The following CLCF1 variants were observed in gnomAD, a reference collection of about 807,000 sequenced individuals.
CLCF1 encodes cardiotrophin like cytokine factor 1, also known as cardiotrophin-like cytokine factor 1.
Under a neutral mutation model 21.2 loss-of-function variants are expected in CLCF1, and 10 were observed. The ratio of observed to expected loss-of-function variants is 0.47; its 90% CI spans 0.29 to 0.80. The LOEUF (loss-of-function observed/expected upper bound fraction) is 0.80. Ranked by LOEUF, CLCF1 falls within the 30% of genes least tolerant of loss-of-function variation. The pLI, the probability that CLCF1 is intolerant of heterozygous loss-of-function variation, is 0.09. For synonymous variants in CLCF1, 115 were observed against 120.5 expected (o/e 0.95, Z 0.30); for missense variants, 240 against 293.4 (o/e 0.82, Z 1.33).
At chr11:67,368,533 T>A (rs939591304) in intron 1 of CLCF1, 5 of 985,214 alleles carry the variant, frequency 5.1e-6, no homozygotes, top group Admixed American at 6.2e-5. Flanking sequence ...TGGGGAAATA[T>A]GCTTTTCTGG....
intron 1 of CLCF1, chr11:67,370,541 C>CCCCCCACCGCCTATCCTGG: frequency 1.0e-6 from 1 of 958,338 alleles, no homozygotes; most frequent in Non-Finnish European, 1.2e-6. Flanking sequence ...CCTGCAACAG[C>CCCCCCACCGCCTATCCTGG]CCCCCACCCC....
chr11:67,368,833 G>C (rs1211856455), intron 1 of CLCF1: 1 of 984,656 alleles, frequency 1.0e-6, no homozygotes, highest in Non-Finnish European at 1.2e-6. Context: ...ATGTTATGAA[G>C]AGCAGGGCTA....
chr11:67,370,840 G>GTC, intron 1 of CLCF1: 1 of 985,418 alleles, frequency 1.0e-6, no homozygotes, highest in Non-Finnish European at 1.2e-6. Context: ...GTCAATGGGA[G>GTC]TCTCTGCACC....
intron 1 of CLCF1, chr11:67,370,781 G>A (rs1565108294): frequency 2.0e-6 from 2 of 985,300 alleles, no homozygotes; most frequent in Non-Finnish European, 2.4e-6. Context: ...CAGTGAGGGT[G>A]AGAGTTCAGC....
chr11:67,373,829 T>C, upstream of CLCF1: 7 of 852,522 alleles, frequency 8.2e-6, no homozygotes, highest in Non-Finnish European at 9.9e-6. Flanking sequence ...TCCCTCTCCC[T>C]CCCACAGCAC....
chr11:67,364,936 G>T lies in CLCF1; in HGVS notation c.*200C>A. The T allele has an allele frequency of 1.3e-6, 1 of 768,450 alleles. No homozygotes were observed. The allele number at this position is 768,450 out of a possible 1,614,324, so 47.6% of individuals were successfully genotyped here. On this transcript the variant is annotated 3_prime_UTR_variant, in exon 3 of 3. Coordinates refer to ENST00000312438, the MANE Select transcript of CLCF1 (RefSeq NM_013246.3). Reference sequence around the variant, plus strand: ...GAAACAGGACAGGACAGGGCCTACTGTACCTCCTCCCCAGCTCGGTAGACC... The same window carrying T: ...GAAACAGGACAGGACAGGGCCTACTTTACCTCCTCCCCAGCTCGGTAGACC...
chr11:67,373,427 C>T (rs936532552), intron 1 of CLCF1, 97 bp downstream of exon 1: 1 of 652,700 alleles, frequency 1.5e-6, no homozygotes, highest in East Asian at 3.5e-5. Context: ...TGGCCCGGCC[C>T]CGGCGCGGGG....
rs1590911999 is a variant in CLCF1, at chr11:67,365,126, A to G, written c.*10T>C. ...GTTTGAAGGGGGAGCGAAGAGGAGAAGGTCAGAAGTCAGAAGCCATGAGCC... is the reference window on the plus strand; with the variant it reads ...GTTTGAAGGGGGAGCGAAGAGGAGAGGGTCAGAAGTCAGAAGCCATGAGCC... On this transcript the variant is annotated 3_prime_UTR_variant, in exon 3 of 3. Coordinates refer to ENST00000312438, the MANE Select transcript of CLCF1 (RefSeq NM_013246.3). The surrounding 1 kb of genome is among the most constrained non-coding windows in gnomAD (Gnocchi z 5.0). The G allele has an allele frequency of 6.2e-7, 1 of 1,613,664 alleles. No homozygotes were observed. Among genetic ancestry groups the G allele is most frequent in the Admixed American group, 1.7e-5 (1 of 60,028 alleles).
chr11:67,365,294 C>A lies in CLCF1; in HGVS notation c.520G>T (p.Ala174Ser), dbSNP rs1302577891. The A allele has an allele frequency of 1.9e-6, 3 of 1,613,884 alleles. No homozygotes were observed. The highest frequency in any genetic ancestry group is 2.5e-6 in the Non-Finnish European group (3 of 1,180,036). Residue 174 changes from alanine (A) to serine (S), a missense_variant, in exon 3 of 3, where the codon GCC (alanine) becomes TCC (serine). Transcript: ENST00000312438. The surrounding 1 kb of genome is among the most constrained non-coding windows in gnomAD (Gnocchi z 5.0). ...ATCTTCTGGAGGAAGTCACTGTGGG[C>A]AGGGCCAGGAGTCCAAGTGGGTTCA... ...GTEPTWTPGP[A>S]HSDFLQKMDD...
chr11:67,370,087 C>A, intron 1 of CLCF1: 1 of 985,244 alleles, frequency 1.0e-6, no homozygotes, highest in Non-Finnish European at 1.2e-6. Flanking sequence ...TCTCAGGAAT[C>A]CAGAGGGAGA....
At chr11:67,369,282 G>A (rs541576875) in intron 1 of CLCF1, 7 of 985,280 alleles carry the variant, frequency 7.1e-6, no homozygotes, top group African/African-American at 7.0e-5. Flanking sequence ...GGAGCGTGGC[G>A]GTGGGGTACC....
intron 1 of CLCF1, chr11:67,370,988 ACCAGCGCT>A (rs1862219677): frequency 1.0e-6 from 1 of 985,270 alleles, no homozygotes; most frequent in Non-Finnish European, 1.2e-6. Context: ...CCAGACCAGG[ACCAGCGCT>A]GGCTGCGGTT....
intron 1 of CLCF1, 131 bp downstream of exon 1, chr11:67,373,393 T>C: frequency 2.3e-6 from 1 of 443,948 alleles, no homozygotes; most frequent in South Asian, 5.6e-5. Context: ...CAGCCGTGCC[T>C]CCCCCGGCCC....
intron 1 of CLCF1, chr11:67,369,681 T>C (rs1862188437): frequency 2.0e-6 from 2 of 985,476 alleles, no homozygotes; most frequent in South Asian, 9.4e-5. Flanking sequence ...TCAAAGTTAG[T>C]GGCGAGACCA....
At chr11:67,366,568 C>T (rs1305050071) in intron 2 of CLCF1, among the ~76,000 whole-genome samples, 1 of 152,058 alleles carries the variant, frequency 6.6e-6, no homozygotes, top group African/African-American at 2.4e-5. Flanking sequence ...CTTTCCAACC[C>T]TCGGGGGAGC....
rs1307302833 is a variant in CLCF1 at position 67,370,154 on chromosome 11, A to G, written c.17-2528T>C. 4.1e-6 allele frequency: 4 copies of G among 985,282 alleles called. No homozygotes were observed. In the Admixed American group the frequency reaches 1.8e-4, roughly 45 times the overall value. 61.0% of individuals were successfully genotyped at this position (985,282 alleles called of 1,614,324 possible). ...AGGACAGGGCTCTGCCCCTGCTATG[A>G]CAGCTTCCACTCTGGGCAAAGCCAT... On this transcript the variant is annotated intron_variant, in intron 1 of 2. Transcript: ENST00000312438.
rs1343617966 is a variant in CLCF1 at position 67,365,567 on chromosome 11, T to G, written c.247A>C (p.Thr83Pro). Reference sequence around the variant, plus strand: ...AAGTCAACAGTGGCCCTGGGCAGAGTCTCTGCCCCCAGGCGGGGAGGGTTG... The same window carrying G: ...AAGTCAACAGTGGCCCTGGGCAGAGGCTCTGCCCCCAGGCGGGGAGGGTTG... Reference protein sequence around the residue: ...DFNPPRLGAETLPRATVDLEV... With the variant: ...DFNPPRLGAEPLPRATVDLEV... The change falls in exon 3 of 3, where the codon ACT becomes CCT. Residue 83 changes from threonine to proline, a missense_variant. By Grantham distance (38) the Thr-to-Pro change is conservative. Transcript: ENST00000312438. This position sits in a 1 kb window ranked among gnomAD's most constrained non-coding sequence, Gnocchi z 5.0. 6.2e-7 allele frequency: 1 copy of G among 1,613,566 alleles called. No homozygotes were observed. The highest frequency in any genetic ancestry group is 1.3e-5 in the African/African-American group (1 of 74,850).
rs542905374 is a variant in CLCF1, at chr11:67,364,567, T to G, written c.*569A>C. 6.4e-6 allele frequency: 1 copy of G among 155,934 alleles called. No individual in the cohort carries two copies. The highest frequency in any genetic ancestry group is 1.9e-4 in the South Asian group (1 of 5,142). 9.7% of individuals were successfully genotyped at this position (155,934 alleles called of 1,614,324 possible). On this transcript the variant is annotated 3_prime_UTR_variant, in exon 3 of 3. Transcript: ENST00000312438. Reference sequence around the variant, plus strand: ...TGTCCCTGCCCCTGTGCTTTCAGTATTTTCTCTTCTGGTTTATAGGGCACC... The same window carrying G: ...TGTCCCTGCCCCTGTGCTTTCAGTAGTTTCTCTTCTGGTTTATAGGGCACC...
chr11:67,367,384 C>G, intron 2 of CLCF1, 76 bp downstream of exon 2: 1 of 1,608,602 alleles, frequency 6.2e-7, no homozygotes, highest in South Asian at 1.1e-5. Flanking sequence ...TTTACCAGAA[C>G]CCTCCACGGT....
Sources: allele counts gnomAD v4.1 joint callset (sites outside exome capture counted in the v4.1 genomes callset), GRCh38; gene constraint gnomAD v4.1.1; non-coding constraint Gnocchi (gnomAD v3.1); transcripts MANE v1.5; gene names NCBI Gene and HGNC (gene_info 2026-07-23, HGNC 2026-07-21).